Variants in RNF216 observed in about 807,000 individuals in gnomAD.
RNF216 encodes E3 ubiquitin-protein ligase RNF216.
RNF216 carries 72 observed loss-of-function variants against 110.8 expected under a neutral mutation model. The ratio of observed to expected loss-of-function variants is 0.65; its 90% CI spans 0.54 to 0.79. The LOEUF (loss-of-function observed/expected upper bound fraction) is 0.79. RNF216 is among the 30% of genes least tolerant of loss of function. The pLI is 0.00. For missense variants in RNF216, 1,342 were observed against 1,141.2 expected, an observed-to-expected ratio of 1.18 and a Z score of -2.54; for synonymous variants, 495 against 407.5, an observed-to-expected ratio of 1.21 and a Z score of -2.59.
chr7:5,696,710 C>G lies in RNF216; in HGVS notation c.2061+15051G>C, dbSNP rs933941053. ...CCCTTAGAACCAGGTTCCTTCAGGC[C>G]AAATCCCACCTAGGTCTTCTGGAAA... is the stretch of plus-strand genomic sequence containing the variant. On this transcript the variant is annotated intron_variant, in intron 13 of 16. Transcript: ENST00000389902. The surrounding 1 kb of genome is among the most constrained non-coding windows in gnomAD (Gnocchi z 5.4). Among the ~76,000 whole-genome samples, 2 of 152,160 alleles carry G rather than the reference C, an allele frequency of 1.3e-5. No individual in the cohort carries two copies. The highest frequency in any genetic ancestry group is 4.8e-5 in the African/African-American group (2 of 41,426).
chr7:5,706,945 G>C (rs1483081792), intron 13 of RNF216, among the ~76,000 whole-genome samples: 1 of 149,442 alleles, frequency 6.7e-6, no homozygotes, highest in Non-Finnish European at 1.5e-5. Context: ...TGATTTTTGT[G>C]TTATGATATG....
At chr7:5,761,220 A>G (rs867440152) in intron 1 of RNF216, 82 bp from the exon 2 acceptor site, 18 of 511,648 alleles carry the variant, frequency 3.5e-5, no homozygotes, top group Middle Eastern at 4.6e-4. Context: ...GAACATCTGA[A>G]GCTTATGCTG....
chr7:5,714,934 G>A, intron 11 of RNF216, 119 bp downstream of exon 11: 1 of 843,066 alleles, frequency 1.2e-6, no homozygotes, highest in Non-Finnish European at 1.8e-6. Context: ...GTACACATAA[G>A]CATACCAGCA....
chr7:5,711,984 C>A (rs1041049447), intron 12 of RNF216, 145 bp from the exon 13 acceptor site: 5 of 650,700 alleles, frequency 7.7e-6, no homozygotes, highest in Admixed American at 5.8e-5. Context: ...CTTAAAAACA[C>A]AGATTGAACC....
chr7:5,731,029 AG>A (rs2128644308), intron 5 of RNF216, among the ~76,000 whole-genome samples: 1 of 152,382 alleles, frequency 6.6e-6, no homozygotes, highest in South Asian at 2.1e-4. Flanking sequence ...AAATTTAAAA[AG>A]CAATGAACAT....
At chr7:5,658,244 G>C (rs1164654873) in intron 13 of RNF216, among the ~76,000 whole-genome samples, 3 of 152,184 alleles carry the variant, frequency 2.0e-5, no homozygotes, top group Non-Finnish European at 2.9e-5. Context: ...AGCAATGACA[G>C]CCATTAAAGC....
rs78124903 is a variant in RNF216 at position 5,748,304 on chromosome 7, T to C, written c.201+4542A>G. ...GCCAAATTCCACCTCATTTTAATGC[T>C]GAAACTCTACCCCAGGGAAGCTCTG... On this transcript the variant is annotated intron_variant, in intron 3 of 16. Coordinates refer to ENST00000389902, the MANE Select transcript of RNF216 (RefSeq NM_207111.4). Among the ~76,000 whole-genome samples, 154 of 152,338 alleles carry C rather than the reference T, an allele frequency of 1.0e-3. 1 individual carries two copies. The highest frequency in any genetic ancestry group is 3.6e-3 in the African/African-American group (150 of 41,584).
intron 5 of RNF216, among the ~76,000 whole-genome samples, chr7:5,737,125 G>T (rs1200194639): frequency 6.6e-6 from 1 of 152,264 alleles, no homozygotes; most frequent in Non-Finnish European, 1.5e-5. Flanking sequence ...GATTGTTGCT[G>T]TGTCTGTGTA....
At chr7:5,704,292 G>C (rs1394216610) in intron 13 of RNF216, among the ~76,000 whole-genome samples, 1 of 152,098 alleles carries the variant, frequency 6.6e-6, no homozygotes, top group Non-Finnish European at 1.5e-5. Flanking sequence ...AAGCCAACTG[G>C]AATTTATATT....
intron 12 of RNF216, 136 bp from the exon 13 acceptor site, chr7:5,711,975 T>G (rs1042528528): frequency 2.9e-6 from 2 of 692,260 alleles, no homozygotes; most frequent in African/African-American, 1.8e-5. Context: ...TTAGTTTTCC[T>G]TAAAAACACA....
chr7:5,635,124 C>G (rs1400738564), intron 15 of RNF216, among the ~76,000 whole-genome samples: 2 of 152,134 alleles, frequency 1.3e-5, no homozygotes, highest in Non-Finnish European at 2.9e-5. Flanking sequence ...CATCATCTCC[C>G]TCATCTGCAA....
At chr7:5,716,084 GTGC>G (rs1047609212) in intron 10 of RNF216, among the ~76,000 whole-genome samples, 23 of 152,038 alleles carry the variant, frequency 1.5e-4, no homozygotes, top group African/African-American at 5.6e-4. Flanking sequence ...TAGAAATGGG[GTGC>G]TGCTATGTTG....
intron 1 of RNF216, among the ~76,000 whole-genome samples, chr7:5,770,636 T>C (rs985990616): frequency 2.8e-4 from 42 of 151,912 alleles, no homozygotes; most frequent in African/African-American, 1.0e-3. Flanking sequence ...TAGATGACTT[T>C]AGAATTTACA....
At chr7:5,748,348 T>C (rs1037463433) in intron 3 of RNF216, among the ~76,000 whole-genome samples, 4 of 152,220 alleles carry the variant, frequency 2.6e-5, no homozygotes, top group Non-Finnish European at 5.9e-5. Flanking sequence ...TTGGCAGTCC[T>C]GAAGTCAGTA....
At chr7:5,723,902 A>G (rs565568780) in intron 8 of RNF216, among the ~76,000 whole-genome samples, 1 of 152,334 alleles carries the variant, frequency 6.6e-6, no homozygotes, top group South Asian at 2.1e-4. Context: ...TGTGAGTCAT[A>G]AACATTAAAC....
At position 5,696,355 on chromosome 7, in the gene RNF216, C is replaced by T. The variant is rs1056414482; in HGVS notation, c.2061+15406G>A. Among the ~76,000 whole-genome samples the T allele has an allele frequency of 6.6e-6, 1 of 152,194 alleles. No homozygotes were observed. The highest frequency in any genetic ancestry group is 1.9e-4 in the East Asian group (1 of 5,204). ...GAGAAATTAAGCTTATTCGACATGC[C>T]TTCGGCTGGAAAACAAGCCTTTTTA... On this transcript the variant is annotated intron_variant, in intron 13 of 16. Coordinates refer to ENST00000389902, the MANE Select transcript of RNF216 (RefSeq NM_207111.4). The surrounding 1 kb of genome is among the most constrained non-coding windows in gnomAD (Gnocchi z 5.4).
At chr7:5,768,413 A>G (rs1337737474) in intron 1 of RNF216, among the ~76,000 whole-genome samples, 1 of 145,206 alleles carries the variant, frequency 6.9e-6, no homozygotes, top group Non-Finnish European at 1.5e-5. Flanking sequence ...GACAGACCTT[A>G]AGGAAGCAAG....
chr7:5,749,448 G>A (rs1033386118), intron 3 of RNF216, among the ~76,000 whole-genome samples: 1 of 152,166 alleles, frequency 6.6e-6, no homozygotes, highest in Non-Finnish European at 1.5e-5. Context: ...ACCACGTCGG[G>A]CCTATATGGA....
chr7:5,740,856 T>C, intron 4 of RNF216, 117 bp downstream of exon 4: 1 of 923,958 alleles, frequency 1.1e-6, no homozygotes, highest in South Asian at 1.8e-5. Context: ...AGATATATAC[T>C]TCTTAGGAAA....
Sources: gnomAD v4.1 joint callset for allele counts (sites outside exome capture counted in the v4.1 genomes callset) on GRCh38, gnomAD v4.1.1 for gene constraint, Gnocchi (gnomAD v3.1) non-coding constraint, MANE v1.5 for transcripts, NCBI Gene and HGNC (gene_info 2026-07-23, HGNC 2026-07-21) for gene names.